IMMP2L: variants seen among roughly 807,000 people sequenced by gnomAD.
IMMP2L encodes mitochondrial inner membrane protease subunit 2.
IMMP2L carries 18 observed loss-of-function variants against 19.3 expected under a neutral mutation model. The observed-to-expected ratio is 0.93, with a 90% CI of 0.64 to 1.38. IMMP2L has a LOEUF of 1.38. Among genes scored for constraint, IMMP2L ranks in the 40% most tolerant of loss-of-function variants. The pLI, the probability that IMMP2L is intolerant of heterozygous loss-of-function variation, is 0.00. For synonymous variants in IMMP2L, 76 were observed against 73.0 expected, an observed-to-expected ratio of 1.04 and a Z score of -0.21; for missense variants, 233 against 218.2, an observed-to-expected ratio of 1.07 and a Z score of -0.43.
intron 2 of IMMP2L, among the ~76,000 whole-genome samples, chr7:111,501,731 T>C (rs1383173991): frequency 2.0e-5 from 3 of 152,048 alleles, no homozygotes; most frequent in Non-Finnish European, 2.9e-5. Context: ...CTAAGCTTCA[T>C]AAGTGAAGGA....
At position 110,760,808 on chromosome 7, in the gene IMMP2L, G is replaced by A. The variant is rs186403346; in HGVS notation, c.409-97087C>T. Among the ~76,000 whole-genome samples the A allele has an allele frequency of 6.6e-6, 1 of 152,190 alleles. No individual in the cohort carries two copies. The highest frequency in any genetic ancestry group is 2.4e-5 in the African/African-American group (1 of 41,552). On this transcript the variant is annotated intron_variant, in intron 5 of 5. Coordinates refer to ENST00000405709, the MANE Select transcript of IMMP2L (RefSeq NM_032549.4). The surrounding 1 kb of genome is among the most constrained non-coding windows in gnomAD (Gnocchi z 4.2). ...TAAACACCTATTTCTTACTACAAGTGTAGAACGCCAGATAGGATCATCACA... is the reference window on the plus strand; with the variant it reads ...TAAACACCTATTTCTTACTACAAGTATAGAACGCCAGATAGGATCATCACA...
chr7:111,326,205 C>T (rs1018995445), intron 3 of IMMP2L, among the ~76,000 whole-genome samples: 2 of 151,544 alleles, frequency 1.3e-5, no homozygotes, highest in Non-Finnish European at 2.9e-5. Flanking sequence ...GCAATTAGTT[C>T]ATCATAATAC....
chr7:111,377,547 C>G (rs568530889), intron 3 of IMMP2L, among the ~76,000 whole-genome samples: 92 of 152,108 alleles, frequency 6.0e-4, no homozygotes, highest in African/African-American at 2.1e-3. Context: ...ATGAAATCCC[C>G]AAATCCCACT....
intron 4 of IMMP2L, among the ~76,000 whole-genome samples, chr7:110,893,471 C>T (rs1486300589): frequency 1.3e-5 from 2 of 152,046 alleles, no homozygotes; most frequent in Non-Finnish European, 2.9e-5. Flanking sequence ...TAGTTTGTTA[C>T]TTTTTTAAAA....
intron 4 of IMMP2L, among the ~76,000 whole-genome samples, chr7:110,955,150 T>A (rs1358569935): frequency 6.6e-6 from 1 of 151,996 alleles, no homozygotes; most frequent in Non-Finnish European, 1.5e-5. Context: ...CTCTGGTGAT[T>A]AGAAACAAAT....
chr7:110,724,098 A>G (rs1182478303), intron 5 of IMMP2L: 1 of 152,148 alleles, frequency 6.6e-6, no homozygotes, highest in African/African-American at 2.4e-5. Flanking sequence ...ACCTCTCAAA[A>G]TATTGTAGAA....
At chr7:110,944,488 T>C (rs1290611098) in intron 4 of IMMP2L, among the ~76,000 whole-genome samples, 3 of 151,732 alleles carry the variant, frequency 2.0e-5, no homozygotes, top group Non-Finnish European at 2.9e-5. Flanking sequence ...TGTGTGCGCG[T>C]GTGTGTGTAA....
chr7:111,095,877 C>T (rs1019224756), intron 3 of IMMP2L, among the ~76,000 whole-genome samples: 1 of 151,922 alleles, frequency 6.6e-6, no homozygotes, highest in African/African-American at 2.4e-5. Context: ...ATCAGGACAG[C>T]AATCCCTCTC....
chr7:111,062,466 C>G (rs1480341445), intron 3 of IMMP2L, among the ~76,000 whole-genome samples: 1 of 152,060 alleles, frequency 6.6e-6, no homozygotes, highest in Non-Finnish European at 1.5e-5. Context: ...TTGTTCTGCC[C>G]CTACCCCTCC....
intron 3 of IMMP2L, among the ~76,000 whole-genome samples, chr7:111,364,078 T>C (rs962380739): frequency 6.6e-6 from 1 of 152,056 alleles, no homozygotes; most frequent in African/African-American, 2.4e-5. Flanking sequence ...GTCACAGCAC[T>C]TACCATTTTG....
At chr7:111,537,284 A>G (rs1847968416) in intron 1 of IMMP2L, among the ~76,000 whole-genome samples, 1 of 152,118 alleles carries the variant, frequency 6.6e-6, no homozygotes, top group African/African-American at 2.4e-5. Flanking sequence ...GACAAACTAC[A>G]CAGCATTTTA....
At chr7:110,980,227 CTTTTTTT>C (rs1218434499) in intron 3 of IMMP2L, among the ~76,000 whole-genome samples, 1 of 91,904 alleles carries the variant, frequency 1.1e-5, no homozygotes, top group Non-Finnish European at 2.0e-5. Flanking sequence ...TGTGCTGCTT[CTTTTTTT>C]TTTTTTTTTT....
intron 4 of IMMP2L, among the ~76,000 whole-genome samples, chr7:110,917,689 C>A (rs147636183): frequency 6.6e-6 from 1 of 152,056 alleles, no homozygotes; most frequent in Non-Finnish European, 1.5e-5. Flanking sequence ...AATAGGGAGA[C>A]GGGAAACAAG....
intron 3 of IMMP2L, among the ~76,000 whole-genome samples, chr7:111,192,078 C>A (rs987135405): frequency 6.6e-6 from 1 of 152,062 alleles, no homozygotes; most frequent in Non-Finnish European, 1.5e-5. Flanking sequence ...TCAGGTATCA[C>A]TTAGAGTTTG....
chr7:110,723,197 T>C (rs1211871830), intron 5 of IMMP2L, among the ~76,000 whole-genome samples: 2 of 152,130 alleles, frequency 1.3e-5, no homozygotes, highest in African/African-American at 2.4e-5. Context: ...GGATGCCAAA[T>C]TGTATTATGA....
chr7:110,808,957 G>T (rs1562989330), intron 5 of IMMP2L, among the ~76,000 whole-genome samples: 1 of 152,014 alleles, frequency 6.6e-6, no homozygotes, highest in South Asian at 2.1e-4. Context: ...TGCTGAAATG[G>T]ATAAAGCTAA....
intron 3 of IMMP2L, among the ~76,000 whole-genome samples, chr7:111,207,138 C>T (rs1429790603): frequency 2.0e-5 from 3 of 152,032 alleles, no homozygotes; most frequent in Non-Finnish European, 4.4e-5. Context: ...TAAGATACTG[C>T]CCTGGTTAGA....
At chr7:111,304,593 A>G (rs1260141738) in intron 3 of IMMP2L, among the ~76,000 whole-genome samples, 1 of 151,608 alleles carries the variant, frequency 6.6e-6, no homozygotes, top group Non-Finnish European at 1.5e-5. Flanking sequence ...AAACACATAT[A>G]TGGGTGTATA....
At chr7:110,826,730 T>G (rs1803533469) in intron 5 of IMMP2L, among the ~76,000 whole-genome samples, 1 of 152,040 alleles carries the variant, frequency 6.6e-6, no homozygotes, top group Non-Finnish European at 1.5e-5. Flanking sequence ...GAGATATACC[T>G]AATGTAAATG....
Sources: gnomAD v4.1 joint callset for allele counts (sites outside exome capture counted in the v4.1 genomes callset) on GRCh38, gnomAD v4.1.1 for gene constraint, Gnocchi (gnomAD v3.1) non-coding constraint, MANE v1.5 for transcripts, NCBI Gene and HGNC (gene_info 2026-07-23, HGNC 2026-07-21) for gene names.